The following CHN2 variants were observed in gnomAD, a reference collection of about 807,000 sequenced individuals.
CHN2 encodes beta-chimaerin.
A neutral mutation model predicts 56.3 loss-of-function variants in CHN2; 35 were observed. The observed-to-expected ratio is 0.62, with a 90% CI of 0.47 to 0.82. The LOEUF (loss-of-function observed/expected upper bound fraction) is 0.82, where lower values mean the gene tolerates loss of function less well. Among genes scored for constraint, CHN2 ranks in the 40% least tolerant of loss-of-function variants. The probability of loss-of-function intolerance (pLI) is 0.00; values close to 1 mark genes in which losing one functional copy is unlikely to be tolerated. For synonymous variants in CHN2, 210 were observed against 212.8 expected (o/e 0.99, Z 0.12); for missense variants, 491 against 580.5 (o/e 0.85, Z 1.58).
At chr7:29,435,500 G>T (rs568864823) in intron 6 of CHN2, among the ~76,000 whole-genome samples, 2 of 152,326 alleles carry the variant, frequency 1.3e-5, no homozygotes, top group East Asian at 3.9e-4. Flanking sequence ...TTGGCTGTAT[G>T]GTGTGGCCTA....
intron 7 of CHN2, among the ~76,000 whole-genome samples, chr7:29,492,229 A>G (rs1788740632): frequency 6.6e-6 from 1 of 151,914 alleles, no homozygotes; most frequent in African/African-American, 2.4e-5. Flanking sequence ...AGAAAACTCT[A>G]TTTTTACCTA....
At chr7:29,267,642 G>A (rs866441994) in intron 1 of CHN2, among the ~76,000 whole-genome samples, 46 of 152,134 alleles carry the variant, frequency 3.0e-4, no homozygotes, top group African/African-American at 1.1e-3. Context: ...CCCAGAACAA[G>A]GCACTAATAC....
At chr7:29,358,754 G>A (rs1047830490) in intron 2 of CHN2, among the ~76,000 whole-genome samples, 6 of 152,098 alleles carry the variant, frequency 3.9e-5, no homozygotes, top group Admixed American at 2.0e-4. Context: ...GTGAGCCACC[G>A]CGCCCAGCCT....
chr7:29,226,991 CAT>C (rs1786259795), intron 1 of CHN2, among the ~76,000 whole-genome samples: 1 of 152,176 alleles, frequency 6.6e-6, no homozygotes, highest in African/African-American at 2.4e-5. Context: ...CTGCTGTGCA[CAT>C]GAGGGTGTCA....
At chr7:29,422,133 C>T (rs1315606881) in intron 6 of CHN2, among the ~76,000 whole-genome samples, 4 of 152,002 alleles carry the variant, frequency 2.6e-5, no homozygotes, top group South Asian at 4.1e-4. Flanking sequence ...GTTAGTTTTC[C>T]AAGTGAGGAT....
At chr7:29,281,788 A>G (rs555291692) in intron 1 of CHN2, among the ~76,000 whole-genome samples, 2 of 152,132 alleles carry the variant, frequency 1.3e-5, no homozygotes, top group South Asian at 2.1e-4. Flanking sequence ...CCCCTAAGAG[A>G]TATTTATCAG....
At chr7:29,226,584 A>G (rs953987825) in intron 1 of CHN2, among the ~76,000 whole-genome samples, 1 of 152,216 alleles carries the variant, frequency 6.6e-6, no homozygotes, top group Non-Finnish European at 1.5e-5. Context: ...ATATGCTGTT[A>G]CATATATAGC....
chr7:29,321,522 T>C (rs1418467613), intron 1 of CHN2, among the ~76,000 whole-genome samples: 1 of 151,960 alleles, frequency 6.6e-6, no homozygotes, highest in Non-Finnish European at 1.5e-5. Context: ...CAATCTAATT[T>C]CAGGGACAGT....
At chr7:29,335,394 G>A (rs1240240338) in intron 1 of CHN2, among the ~76,000 whole-genome samples, 1 of 152,222 alleles carries the variant, frequency 6.6e-6, no homozygotes, top group Admixed American at 6.5e-5. Flanking sequence ...GCCCAGAGAG[G>A]AGCACCCACT....
At chr7:29,371,696 C>T (rs1303505449) in intron 3 of CHN2, among the ~76,000 whole-genome samples, 1 of 152,202 alleles carries the variant, frequency 6.6e-6, no homozygotes, top group African/African-American at 2.4e-5. Context: ...ACCTGTCTCA[C>T]AGGCCACCAC....
At chr7:29,314,665 A>G (rs1159057597) in intron 1 of CHN2, among the ~76,000 whole-genome samples, 1 of 152,204 alleles carries the variant, frequency 6.6e-6, no homozygotes, top group Non-Finnish European at 1.5e-5. Flanking sequence ...AAGAAGTGAG[A>G]GTTCACTGAG....
At chr7:29,482,098 A>T (rs948607798) in intron 7 of CHN2, among the ~76,000 whole-genome samples, 1 of 152,246 alleles carries the variant, frequency 6.6e-6, no homozygotes. Context: ...ACAATATATT[A>T]CTTATCACTG....
At chr7:29,396,287 T>G (rs1352236313) in intron 4 of CHN2, among the ~76,000 whole-genome samples, 1 of 151,392 alleles carries the variant, frequency 6.6e-6, no homozygotes, top group Non-Finnish European at 1.5e-5. Context: ...ACTCCCCGCA[T>G]CTCTACTGAA....
intron 3 of CHN2, among the ~76,000 whole-genome samples, chr7:29,371,938 C>T (rs1585187099): frequency 6.6e-6 from 1 of 152,240 alleles, no homozygotes; most frequent in East Asian, 1.9e-4. Flanking sequence ...GAGCCTCCCA[C>T]CTGATCTCCC....
At chr7:29,412,987 C>T (rs1803389117) in intron 6 of CHN2, among the ~76,000 whole-genome samples, 1 of 152,114 alleles carries the variant, frequency 6.6e-6, no homozygotes, top group Non-Finnish European at 1.5e-5. Flanking sequence ...ATGAAACTGT[C>T]AGGGCTACAT....
At chr7:29,176,063 G>A (rs1471686214) in intron 2 of CHN2, among the ~76,000 whole-genome samples, 2 of 152,060 alleles carry the variant, frequency 1.3e-5, no homozygotes, top group Non-Finnish European at 2.9e-5. Context: ...GTGGGCGCCT[G>A]TAGTCCCAGC....
intron 3 of CHN2, among the ~76,000 whole-genome samples, chr7:29,381,396 C>A (rs1361949432): frequency 6.6e-6 from 1 of 152,138 alleles, no homozygotes; most frequent in Non-Finnish European, 1.5e-5. Context: ...CAAGGAGGGC[C>A]TAAGGCAGAT....
At chr7:29,456,062 G>C (rs1358126247) in intron 6 of CHN2, among the ~76,000 whole-genome samples, 3 of 152,294 alleles carry the variant, frequency 2.0e-5, no homozygotes, top group East Asian at 1.9e-4. Flanking sequence ...TGACTGTTTG[G>C]GGGCCAAGCC....
intron 1 of CHN2, among the ~76,000 whole-genome samples, chr7:29,285,571 C>A (rs1185537482): frequency 6.6e-6 from 1 of 152,212 alleles, no homozygotes; most frequent in Non-Finnish European, 1.5e-5. Flanking sequence ...TTCGCAACCA[C>A]AATGCAGTGC....
Sources: gnomAD v4.1 joint callset for allele counts (sites outside exome capture counted in the v4.1 genomes callset) on GRCh38, gnomAD v4.1.1 for gene constraint, MANE v1.5 for transcripts, NCBI Gene and HGNC (gene_info 2026-07-23, HGNC 2026-07-21) for gene names.